Variants in PPM1E observed in about 807,000 individuals in gnomAD.
PPM1E encodes the protein protein phosphatase 1E.
Under a neutral mutation model 65.9 loss-of-function variants are expected in PPM1E, and 20 were observed. The ratio of observed to expected loss-of-function variants is 0.30; its 90% confidence interval spans 0.21 to 0.44. The LOEUF (loss-of-function observed/expected upper bound fraction) is 0.44, where lower values mean the gene tolerates loss of function less well. PPM1E is among the 20% of genes least tolerant of loss of function. PPM1E has a pLI of 1.00. For missense variants in PPM1E, 713 were observed against 953.1 expected, an observed-to-expected ratio of 0.75 and a Z score of 3.32; for synonymous variants, 352 against 374.9, an observed-to-expected ratio of 0.94 and a Z score of 0.70.
intron 1 of PPM1E, among the ~76,000 whole-genome samples, chr17:58,947,499 G>A (rs1340428606): frequency 6.6e-6 from 1 of 151,138 alleles, no homozygotes; most frequent in Non-Finnish European, 1.5e-5. Flanking sequence ...GGCCTCCCAA[G>A]GGGCTGGGAT....
At chr17:58,958,830 G>A (rs1189567318) in intron 2 of PPM1E, among the ~76,000 whole-genome samples, 3 of 151,852 alleles carry the variant, frequency 2.0e-5, no homozygotes, top group Non-Finnish European at 2.9e-5. Context: ...CTTCCTTCAA[G>A]AATCTTCCTC....
chr17:58,888,927 G>A (rs2051313409), intron 1 of PPM1E, among the ~76,000 whole-genome samples: 1 of 152,236 alleles, frequency 6.6e-6, no homozygotes, highest in East Asian at 1.9e-4. Context: ...GACAGGTATG[G>A]ATTTATGGCA....
At position 58,796,503 on chromosome 17, in the gene PPM1E, C is replaced by G. The variant is rs537536290; in HGVS notation, c.464+40042C>G. 3.9e-5 allele frequency among the ~76,000 whole-genome samples: 6 copies of G among 152,310 alleles called. No individual in the cohort carries two copies. The East Asian group carries it at 9.6e-4, about 24-fold the overall frequency. On this transcript the variant is annotated intron_variant, in intron 1 of 6. Transcript: ENST00000308249. Reference sequence around the variant, plus strand: ...CAGGCTGGTCTCAAACTCCTGGGCTCAAGTGATCTACTTGCCTTGGCCTCC... The same window carrying G: ...CAGGCTGGTCTCAAACTCCTGGGCTGAAGTGATCTACTTGCCTTGGCCTCC...
intron 1 of PPM1E, among the ~76,000 whole-genome samples, chr17:58,935,837 ATACTTT>A (rs1355482408): frequency 3.9e-5 from 6 of 151,904 alleles, no homozygotes; most frequent in Non-Finnish European, 8.8e-5. Context: ...TATTATTATT[ATACTTT>A]AAGTTTTAGG....
At chr17:58,845,134 A>G (rs775302633) in intron 1 of PPM1E, among the ~76,000 whole-genome samples, 1 of 152,176 alleles carries the variant, frequency 6.6e-6, no homozygotes, top group Non-Finnish European at 1.5e-5. Context: ...GACCAAGTCT[A>G]CATTTGCTGG....
At chr17:58,932,435 C>T (rs1415683041) in intron 1 of PPM1E, among the ~76,000 whole-genome samples, 2 of 152,136 alleles carry the variant, frequency 1.3e-5, no homozygotes, top group South Asian at 4.1e-4. Context: ...CATCACTGCA[C>T]TCCAGCCTAG....
At chr17:58,756,491 G>A in intron 1 of PPM1E, 30 bp downstream of exon 1, 2 of 1,266,838 alleles carry the variant, frequency 1.6e-6, no homozygotes, top group South Asian at 3.7e-5. Flanking sequence ...CTGGTGGTGG[G>A]CCCGCGGTCC....
intron 1 of PPM1E, among the ~76,000 whole-genome samples, chr17:58,824,393 C>G (rs1296362540): frequency 6.6e-6 from 1 of 152,042 alleles, no homozygotes; most frequent in Non-Finnish European, 1.5e-5. Context: ...GCAGGATAAA[C>G]CTTTTATTTT....
In PPM1E at chr17:58,965,771, C is replaced by T. The variant is rs747590673; in HGVS notation, c.661C>T (p.Pro221Ser). ...TTGCTGCAGCTGGGTGAAAGACTTC[C>T]CCCTCCGCAGGAGACCCCAGCTTTA... ...EICCSWVKDF[P>S]LRRRPQLYYE... Residue 221 changes from proline to serine, a missense_variant, in exon 3 of 7, where the codon CCC becomes TCC. Coordinates refer to ENST00000308249, the MANE Select transcript of PPM1E (RefSeq NM_014906.5). The T allele has an allele frequency of 6.2e-7, 1 of 1,614,098 alleles. No homozygotes were observed. The highest frequency in any genetic ancestry group is 1.7e-5 in the Admixed American group (1 of 60,010).
intron 1 of PPM1E, among the ~76,000 whole-genome samples, chr17:58,904,141 CATA>C (rs1202730273): frequency 6.6e-6 from 1 of 151,946 alleles, no homozygotes; most frequent in African/African-American, 2.4e-5. Context: ...ATAATTATGA[CATA>C]ATAAATAAAA....
At chr17:58,784,497 C>CCCA (rs1427891658) in intron 1 of PPM1E, among the ~76,000 whole-genome samples, 1 of 148,646 alleles carries the variant, frequency 6.7e-6, no homozygotes, top group Admixed American at 6.8e-5. Context: ...CCTCCTCCCC[C>CCCA]CCACCACTTT....
intron 1 of PPM1E, among the ~76,000 whole-genome samples, chr17:58,855,485 G>C (rs139376388): frequency 2.6e-5 from 4 of 152,228 alleles, no homozygotes; most frequent in Non-Finnish European, 4.4e-5. Flanking sequence ...CGTTACTAAA[G>C]GCCTAGTTAT....
chr17:58,981,326 C>A lies in PPM1E; in HGVS notation c.*295C>A. On this transcript the variant is annotated 3_prime_UTR_variant, in exon 7 of 7. Coordinates refer to ENST00000308249, the MANE Select transcript of PPM1E (RefSeq NM_014906.5). ...GTCACTAGATACACAACCCCCTTCCCACCATCCCTTCAGTCACTAGTGGAA... is the reference window on the plus strand; with the variant it reads ...GTCACTAGATACACAACCCCCTTCCAACCATCCCTTCAGTCACTAGTGGAA... 3.2e-6 allele frequency: 1 copy of A among 308,434 alleles called. No individual in the cohort carries two copies. The highest frequency in any genetic ancestry group is 6.3e-5 in the East Asian group (1 of 15,958). 19.1% of individuals were successfully genotyped at this position (308,434 alleles called of 1,614,324 possible). A position where few individuals can be genotyped will look rare whatever the true frequency, so the allele number is the denominator to read the frequency against.
intron 1 of PPM1E, among the ~76,000 whole-genome samples, chr17:58,845,121 T>C (rs1206037262): frequency 6.6e-6 from 1 of 152,194 alleles, no homozygotes; most frequent in East Asian, 1.9e-4. Flanking sequence ...ATGCGAAATG[T>C]GTGACCAAGT....
Position 58,852,845 on chromosome 17 carries a change from G to A in PPM1E, c.464+96384G>A, listed in dbSNP as rs117360264. Among the ~76,000 whole-genome samples the A allele has an allele frequency of 5.6e-4, 85 of 152,084 alleles. 1 individual carries two copies. The East Asian group carries it at 0.015, about 27-fold the overall frequency. On this transcript the variant is annotated intron_variant, in intron 1 of 6. Transcript: ENST00000308249. ...TCTCGATCTCTTGACCTCGTGATTCGCCTACCTTGGCCTTCCAAAGTGCTG... is the reference window on the plus strand; with the variant it reads ...TCTCGATCTCTTGACCTCGTGATTCACCTACCTTGGCCTTCCAAAGTGCTG...
intron 1 of PPM1E, among the ~76,000 whole-genome samples, chr17:58,885,132 C>T (rs1416060748): frequency 6.6e-6 from 1 of 152,170 alleles, no homozygotes; most frequent in Non-Finnish European, 1.5e-5. Flanking sequence ...TCTCGGCTCA[C>T]TGCAACCTCT....
At chr17:58,866,666 T>G (rs1210261655) in intron 1 of PPM1E, among the ~76,000 whole-genome samples, 5 of 152,212 alleles carry the variant, frequency 3.3e-5, no homozygotes, top group Admixed American at 3.3e-4. Flanking sequence ...TTTCAGCTAT[T>G]GCACACTCAA....
chr17:58,837,332 T>C (rs112401182), intron 1 of PPM1E, among the ~76,000 whole-genome samples: 37,229 of 130,166 alleles, frequency 0.29, 5,608 homozygotes, highest in Middle Eastern at 0.46. Context: ...CACACACACA[T>C]ACACACACAC....
intron 1 of PPM1E, among the ~76,000 whole-genome samples, chr17:58,812,620 C>G (rs2050380243): frequency 1.3e-5 from 2 of 152,246 alleles, no homozygotes; most frequent in East Asian, 3.9e-4. Context: ...GGGGCATGAT[C>G]TTGGTTCACT....
Sources: allele counts gnomAD v4.1 joint callset (sites outside exome capture counted in the v4.1 genomes callset), GRCh38; gene constraint gnomAD v4.1.1; transcripts MANE v1.5; gene names NCBI Gene and HGNC (gene_info 2026-07-23, HGNC 2026-07-21).